Variants in ADAMTSL3 observed in about 807,000 individuals in gnomAD.
ADAMTSL3 encodes the protein ADAMTS-like protein 3.
In ADAMTSL3, 128 loss-of-function variants were observed where a neutral mutation model predicts 201.7. The observed-to-expected ratio is 0.63, with a 90% confidence interval of 0.55 to 0.73. The LOEUF (loss-of-function observed/expected upper bound fraction) is 0.73. Ranked by LOEUF, ADAMTSL3 falls within the 30% of genes least tolerant of loss-of-function variation. The pLI, the probability that ADAMTSL3 is intolerant of heterozygous loss-of-function variation, is 0.00. For synonymous variants in ADAMTSL3, 738 were observed against 748.4 expected (o/e 0.99, Z 0.23); for missense variants, 1,990 against 2,119.6 (o/e 0.94, Z 1.20).
chr15:83,742,844 C>T (rs1468830389), intron 3 of ADAMTSL3, among the ~76,000 whole-genome samples: 4 of 152,110 alleles, frequency 2.6e-5, no homozygotes, highest in Non-Finnish European at 4.4e-5. Context: ...CTGACTTCAG[C>T]TTGGAAAAGT....
At chr15:83,846,002 T>C (rs562091230) in intron 7 of ADAMTSL3, among the ~76,000 whole-genome samples, 29 of 152,202 alleles carry the variant, frequency 1.9e-4, no homozygotes, top group African/African-American at 7.0e-4. Context: ...CTACACAGAA[T>C]TGAAGAGCCC....
At chr15:83,808,783 A>G (rs555733000) in intron 5 of ADAMTSL3, among the ~76,000 whole-genome samples, 2 of 152,340 alleles carry the variant, frequency 1.3e-5, no homozygotes, top group Admixed American at 6.5e-5. Flanking sequence ...ACACAATGAA[A>G]TACTATGCAG....
chr15:83,851,714 C>G (rs77355541), intron 7 of ADAMTSL3, among the ~76,000 whole-genome samples: 413 of 152,292 alleles, frequency 2.7e-3, no homozygotes, highest in Admixed American at 5.6e-3. Flanking sequence ...CATGTGTTAT[C>G]ATATTAGTGT....
At chr15:83,723,865 A>T (rs1346072137) in intron 3 of ADAMTSL3, among the ~76,000 whole-genome samples, 1 of 152,054 alleles carries the variant, frequency 6.6e-6, no homozygotes, top group Non-Finnish European at 1.5e-5. Context: ...TTAAAATATG[A>T]TTAAAATATT....
intron 2 of ADAMTSL3, among the ~76,000 whole-genome samples, chr15:83,656,935 T>G (rs538517821): frequency 1.0e-3 from 154 of 152,372 alleles, no homozygotes; most frequent in Admixed American, 2.1e-3. Flanking sequence ...TTGGCTCCAA[T>G]GCCCTGTGAA....
chr15:83,700,067 A>C lies in ADAMTSL3; in HGVS notation c.70-4322A>C, dbSNP rs913435178. ...TTTTGTTCCTCATTGTATCTATCGC[A>C]CTGAGAACTGTGCCAGGCATATATT... On this transcript the variant is annotated intron_variant, in intron 2 of 29. Transcript: ENST00000286744. Among the ~76,000 whole-genome samples the C allele has an allele frequency of 4.6e-5, 7 of 152,220 alleles. 1 individual carries two copies. The highest frequency in any genetic ancestry group is 1.7e-4 in the African/African-American group (7 of 41,456).
intron 3 of ADAMTSL3, among the ~76,000 whole-genome samples, chr15:83,737,783 G>A (rs1272102985): frequency 6.6e-6 from 1 of 152,126 alleles, no homozygotes; most frequent in Non-Finnish European, 1.5e-5. Context: ...GATACATCGT[G>A]TTAAAATTTA....
chr15:83,939,918 C>T (rs1293810704), intron 17 of ADAMTSL3, among the ~76,000 whole-genome samples: 4 of 151,990 alleles, frequency 2.6e-5, no homozygotes, highest in African/African-American at 7.2e-5. Flanking sequence ...CACCGCACCC[C>T]GCCAGGACCA....
intron 2 of ADAMTSL3, among the ~76,000 whole-genome samples, chr15:83,703,529 C>T (rs993953300): frequency 4.6e-5 from 7 of 152,202 alleles, no homozygotes; most frequent in East Asian, 1.9e-4. Context: ...ATACTGTTCT[C>T]GTGATAGTGA....
At chr15:83,864,451 G>C (rs1433580774) in intron 8 of ADAMTSL3, among the ~76,000 whole-genome samples, 1 of 152,176 alleles carries the variant, frequency 6.6e-6, no homozygotes, top group African/African-American at 2.4e-5. Context: ...ATGCAAGGCT[G>C]GTTCAACATA....
intron 5 of ADAMTSL3, among the ~76,000 whole-genome samples, chr15:83,810,073 A>C (rs1389282067): frequency 6.6e-6 from 1 of 152,130 alleles, no homozygotes; most frequent in East Asian, 1.9e-4. Flanking sequence ...TTCTATCTGT[A>C]TCTCTCCACT....
At chr15:83,949,322 G>T (rs1338257281) in intron 19 of ADAMTSL3, among the ~76,000 whole-genome samples, 1 of 152,144 alleles carries the variant, frequency 6.6e-6, no homozygotes, top group African/African-American at 2.4e-5. Context: ...CATCCATGTT[G>T]TTGCAGATGA....
chr15:83,842,158 A>G (rs974573485), intron 7 of ADAMTSL3, among the ~76,000 whole-genome samples: 58 of 149,928 alleles, frequency 3.9e-4, no homozygotes, highest in African/African-American at 1.2e-3. Context: ...TGGATCACAC[A>G]TGGGCTTGGA....
intron 13 of ADAMTSL3, among the ~76,000 whole-genome samples, chr15:83,895,783 A>G (rs1031476550): frequency 3.9e-5 from 6 of 152,104 alleles, no homozygotes; most frequent in African/African-American, 1.4e-4. Flanking sequence ...TTATATATAT[A>G]TATATCTCAA....
chr15:83,713,802 C>G (rs1456295139), intron 3 of ADAMTSL3, among the ~76,000 whole-genome samples: 1 of 152,130 alleles, frequency 6.6e-6, no homozygotes, highest in Non-Finnish European at 1.5e-5. Flanking sequence ...GAAATGTTTC[C>G]TTTTGTTTGG....
At chr15:83,900,855 A>T (rs753888191) in intron 15 of ADAMTSL3, among the ~76,000 whole-genome samples, 1 of 152,224 alleles carries the variant, frequency 6.6e-6, no homozygotes, top group African/African-American at 2.4e-5. Context: ...GAAAGCTGCC[A>T]TGGATCCCGA....
intron 17 of ADAMTSL3, among the ~76,000 whole-genome samples, chr15:83,930,325 T>G (rs898931125): frequency 1.3e-5 from 2 of 152,134 alleles, no homozygotes; most frequent in Non-Finnish European, 2.9e-5. Flanking sequence ...CATACCTGAG[T>G]AGTGTGACGT....
At chr15:83,714,807 CTTCT>C (rs1253540645) in intron 3 of ADAMTSL3, among the ~76,000 whole-genome samples, 1 of 71,032 alleles carries the variant, frequency 1.4e-5, no homozygotes, top group African/African-American at 4.8e-5. Flanking sequence ...CTCTTTCTTT[CTTCT>C]TTCTTTCTTT....
chr15:83,762,152 G>A (rs2062817398), intron 3 of ADAMTSL3, among the ~76,000 whole-genome samples: 1 of 152,060 alleles, frequency 6.6e-6, no homozygotes, highest in African/African-American at 2.4e-5. Flanking sequence ...CTGGGTTCAA[G>A]TGATTCTCCT....
Sources: gnomAD v4.1 joint callset for allele counts (sites outside exome capture counted in the v4.1 genomes callset) on GRCh38, gnomAD v4.1.1 for gene constraint, MANE v1.5 for transcripts, NCBI Gene and HGNC (gene_info 2026-07-23, HGNC 2026-07-21) for gene names.